ADAMTS12: variants seen among roughly 807,000 people sequenced by gnomAD.
ADAMTS12 encodes A disintegrin and metalloproteinase with thrombospondin motifs 12.
A neutral mutation model predicts 167.8 loss-of-function variants in ADAMTS12; 118 were observed. That is an observed-to-expected ratio of 0.70 (90% confidence interval 0.61 to 0.82). The LOEUF is 0.82. ADAMTS12 is among the 40% of genes least tolerant of loss of function. The probability of loss-of-function intolerance (pLI) is 0.00; values close to 1 mark genes in which losing one functional copy is unlikely to be tolerated. For synonymous variants in ADAMTS12, 704 were observed against 716.9 expected (o/e 0.98, Z 0.29); for missense variants, 1,916 against 1,998.8 (o/e 0.96, Z 0.79).
At chr5:33,881,734 GT>G (rs11295558) in intron 1 of ADAMTS12, among the ~76,000 whole-genome samples, 37,192 of 120,060 alleles carry the variant, frequency 0.31, 4,694 homozygotes, top group Middle Eastern at 0.43. Context: ...GGCTAATTTT[GT>G]TTTTTTTTTT....
At chr5:33,718,748 G>A (rs1743699659) in intron 3 of ADAMTS12, among the ~76,000 whole-genome samples, 1 of 152,176 alleles carries the variant, frequency 6.6e-6, no homozygotes, top group South Asian at 2.1e-4. Flanking sequence ...CACCATACTT[G>A]ATTCAGGATC....
chr5:33,542,769 T>C (rs1261647701), intron 22 of ADAMTS12, among the ~76,000 whole-genome samples: 1 of 152,146 alleles, frequency 6.6e-6, no homozygotes, highest in Non-Finnish European at 1.5e-5. Flanking sequence ...GACTACTGGG[T>C]ACATAACGAA....
intron 19 of ADAMTS12, among the ~76,000 whole-genome samples, chr5:33,569,466 T>G (rs1483100581): frequency 6.6e-6 from 1 of 152,226 alleles, no homozygotes; most frequent in Admixed American, 6.5e-5. Flanking sequence ...CAGACACCGC[T>G]GCTGATACCC....
rs6876028 is a variant in ADAMTS12 at position 33,649,777 on chromosome 5, C to T, written c.1191-80G>A. 1.0e-3 allele frequency: 1,581 copies of T among 1,541,046 alleles called. 8 individuals carry two copies. In the African/African-American group the frequency reaches 0.019, roughly 19 times the overall value. On this transcript the variant is annotated intron_variant, in intron 7 of 23. Coordinates refer to ENST00000504830, the MANE Select transcript of ADAMTS12 (RefSeq NM_030955.4). Reference sequence around the variant, plus strand: ...AGAAAAACCATAGTTTCCCTAAGAGCGTAATAACTCACAGACAGCCACGTT... The same window carrying T: ...AGAAAAACCATAGTTTCCCTAAGAGTGTAATAACTCACAGACAGCCACGTT...
intron 3 of ADAMTS12, among the ~76,000 whole-genome samples, chr5:33,699,321 C>T (rs1273156386): frequency 6.6e-6 from 1 of 151,654 alleles, no homozygotes; most frequent in Admixed American, 6.6e-5. Context: ...AAAGGATGGT[C>T]TTCTCGACTA....
Position 33,577,164 on chromosome 5 carries a change from G to A in ADAMTS12, c.2866-4C>T. 2.5e-6 allele frequency: 4 copies of A among 1,614,122 alleles called. No individual in the cohort carries two copies. The highest frequency in any genetic ancestry group is 3.4e-6 in the Non-Finnish European group (4 of 1,180,022). On this transcript the variant is annotated splice_region_variant and splice_polypyrimidine_tract_variant and intron_variant, in intron 18 of 23. Transcript: ENST00000504830. Reference sequence around the variant, plus strand: ...CACCACCACAGGAAACAGAACACTAGAAGAGAGAAACAGCTGTTAGCCTGG... The same window carrying A: ...CACCACCACAGGAAACAGAACACTAAAAGAGAGAAACAGCTGTTAGCCTGG...
chr5:33,527,334 TG>T lies in ADAMTS12; in HGVS notation c.4638del (p.Ser1547ValfsTer6). On this transcript the variant is annotated frameshift_variant, in exon 24 of 24. Transcript: ENST00000504830. LOFTEE classifies it high-confidence loss of function. The part of the protein sequence containing the change: ...DLLCTKDKLS[A>X]SFCQTLKAMK... ...ATGGCTTTCAGTGTCTGGCAGAAAC[TG>T]GCTGACAGTTTGTCCTTAGTGCAAA... is the stretch of plus-strand genomic sequence containing the variant. 3 of 1,614,164 alleles carry T rather than the reference TG, an allele frequency of 1.9e-6. No homozygotes were observed. Among genetic ancestry groups the T allele is most frequent in the Non-Finnish European group, 2.5e-6 (3 of 1,180,026 alleles).
chr5:33,697,811 G>A (rs1742840539), intron 3 of ADAMTS12, among the ~76,000 whole-genome samples: 1 of 152,238 alleles, frequency 6.6e-6, no homozygotes, highest in Non-Finnish European at 1.5e-5. Context: ...CCGGCCAATG[G>A]GGAAAGGGTA....
chr5:33,679,072 G>A (rs908314657), intron 5 of ADAMTS12, among the ~76,000 whole-genome samples: 2 of 152,198 alleles, frequency 1.3e-5, no homozygotes, highest in African/African-American at 4.8e-5. Context: ...AAACCGAAGT[G>A]CGAGTGGAAG....
intron 3 of ADAMTS12, among the ~76,000 whole-genome samples, chr5:33,723,042 G>A (rs983133404): frequency 6.6e-6 from 1 of 152,182 alleles, no homozygotes; most frequent in Non-Finnish European, 1.5e-5. Flanking sequence ...GGTCAAGGCA[G>A]GACAGTGCTG....
At chr5:33,775,788 T>C (rs1745893185) in intron 2 of ADAMTS12, among the ~76,000 whole-genome samples, 1 of 152,152 alleles carries the variant, frequency 6.6e-6, no homozygotes, top group Non-Finnish European at 1.5e-5. Flanking sequence ...TGAGTGTTTG[T>C]GTTCCCCCAA....
chr5:33,555,777 T>A (rs1222789597), intron 20 of ADAMTS12, among the ~76,000 whole-genome samples: 1 of 152,198 alleles, frequency 6.6e-6, no homozygotes, highest in African/African-American at 2.4e-5. Flanking sequence ...AATTATAAAG[T>A]CCTGTATTAT....
intron 3 of ADAMTS12, among the ~76,000 whole-genome samples, chr5:33,739,928 G>A (rs1477454991): frequency 6.6e-6 from 1 of 152,218 alleles, no homozygotes; most frequent in Non-Finnish European, 1.5e-5. Flanking sequence ...GTGTGTACAA[G>A]CCCACTTGAT....
chr5:33,717,394 C>G (rs897680704), intron 3 of ADAMTS12, among the ~76,000 whole-genome samples: 1 of 152,110 alleles, frequency 6.6e-6, no homozygotes, highest in Non-Finnish European at 1.5e-5. Context: ...AATGATGGCC[C>G]AGTGCCAGAT....
chr5:33,541,893 T>G (rs1265760677), intron 22 of ADAMTS12, among the ~76,000 whole-genome samples: 2 of 151,806 alleles, frequency 1.3e-5, no homozygotes, highest in Non-Finnish European at 2.9e-5. Context: ...CATGCCAAAT[T>G]GTAAAGACCA....
intron 2 of ADAMTS12, among the ~76,000 whole-genome samples, chr5:33,829,049 C>T (rs1014041588): frequency 6.6e-6 from 1 of 152,140 alleles, no homozygotes; most frequent in African/African-American, 2.4e-5. Flanking sequence ...CCATACTGCT[C>T]TGAATGAGAT....
chr5:33,596,126 G>C (rs1737851601), intron 16 of ADAMTS12, 66 bp from the exon 17 acceptor site: 4 of 1,579,706 alleles, frequency 2.5e-6, no homozygotes, highest in African/African-American at 1.3e-5. Flanking sequence ...GGTCAGGTGA[G>C]GTACCTGACC....
intron 5 of ADAMTS12, among the ~76,000 whole-genome samples, chr5:33,673,368 C>A (rs576095772): frequency 1.3e-5 from 2 of 152,302 alleles, no homozygotes; most frequent in African/African-American, 4.8e-5. Context: ...ACTTTCAACT[C>A]AGCATCCCCG....
Position 33,859,408 on chromosome 5 carries a change from C to T in ADAMTS12, c.489+21711G>A, listed in dbSNP as rs1052135379. 3.9e-5 allele frequency among the ~76,000 whole-genome samples: 6 copies of T among 152,232 alleles called. No individual in the cohort carries two copies. The East Asian group carries it at 7.7e-4, about 20-fold the overall frequency. ...AAGCTGCCAGGAAGATCAAACTGGG[C>T]GGAGCCCACCGCAGCTCAGCAATGC... On this transcript the variant is annotated intron_variant, in intron 2 of 23. Coordinates refer to ENST00000504830, the MANE Select transcript of ADAMTS12 (RefSeq NM_030955.4).
Sources: allele counts gnomAD v4.1 joint callset (sites outside exome capture counted in the v4.1 genomes callset), GRCh38; gene constraint gnomAD v4.1.1; transcripts MANE v1.5; gene names NCBI Gene and HGNC (gene_info 2026-07-23, HGNC 2026-07-21).